The following SH3GL3 variants were observed in gnomAD, a reference collection of about 807,000 sequenced individuals.
SH3GL3 encodes SH3 domain containing GRB2 like 3, endophilin A3.
Under a neutral mutation model 47.7 loss-of-function variants are expected in SH3GL3, and 33 were observed. The ratio of observed to expected loss-of-function variants is 0.69; its 90% confidence interval spans 0.52 to 0.92. SH3GL3 has a LOEUF of 0.92. Among genes scored for constraint, SH3GL3 ranks in the 40% least tolerant of loss-of-function variants. SH3GL3 has a pLI of 0.00. For synonymous variants in SH3GL3, 155 were observed against 148.8 expected, an observed-to-expected ratio of 1.04 and a Z score of -0.30; for missense variants, 363 against 417.8, an observed-to-expected ratio of 0.87 and a Z score of 1.14.
intron 1 of SH3GL3, among the ~76,000 whole-genome samples, chr15:83,494,638 G>A (rs895145796): frequency 2.0e-5 from 3 of 151,628 alleles, no homozygotes; most frequent in African/African-American, 7.3e-5. Flanking sequence ...TGCCTCCCGG[G>A]TTCAAGCGAT....
chr15:83,567,394 C>G (rs2045600158), intron 3 of SH3GL3, among the ~76,000 whole-genome samples: 1 of 152,142 alleles, frequency 6.6e-6, no homozygotes, highest in Non-Finnish European at 1.5e-5. Flanking sequence ...CTTTGAGCTC[C>G]TTGAGGGCAA....
At chr15:83,578,492 A>G (rs1476860722) in intron 6 of SH3GL3, among the ~76,000 whole-genome samples, 1 of 152,186 alleles carries the variant, frequency 6.6e-6, no homozygotes, top group Non-Finnish European at 1.5e-5. Flanking sequence ...TGCATTGAGC[A>G]CCCTTTATTT....
chr15:83,583,859 A>AT (rs2059895185), intron 6 of SH3GL3, among the ~76,000 whole-genome samples: 2 of 152,250 alleles, frequency 1.3e-5, no homozygotes, highest in Middle Eastern at 6.8e-3. Context: ...CGATGGGCCC[A>AT]TTACCCCCTG....
intron 1 of SH3GL3, among the ~76,000 whole-genome samples, chr15:83,503,025 A>ATTGCTT (rs2042356595): frequency 6.6e-6 from 1 of 152,132 alleles, no homozygotes; most frequent in African/African-American, 2.4e-5. Flanking sequence ...ATAGAACATA[A>ATTGCTT]TTACTTTTAA....
intron 1 of SH3GL3, among the ~76,000 whole-genome samples, chr15:83,557,163 A>G (rs555542919): frequency 6.6e-6 from 1 of 152,340 alleles, no homozygotes; most frequent in South Asian, 2.1e-4. Flanking sequence ...TACCATGGCA[A>G]CAAAACGTGG....
intron 1 of SH3GL3, among the ~76,000 whole-genome samples, chr15:83,557,823 A>G (rs1166866975): frequency 6.6e-6 from 1 of 152,212 alleles, no homozygotes; most frequent in African/African-American, 2.4e-5. Flanking sequence ...GCCCAGATTC[A>G]CTAGGTGGGA....
chr15:83,573,845 A>G lies in SH3GL3; in HGVS notation c.465+1147A>G, dbSNP rs147375192. Among the ~76,000 whole-genome samples the G allele has an allele frequency of 9.5e-4, 144 of 152,360 alleles. 1 individual carries two copies. Among genetic ancestry groups the G allele is most frequent in the Admixed American group, 2.9e-3 (45 of 15,300 alleles). ...GGCACTGGCCATATGTGGCTAAACA[A>G]GACCTGGTGCATGCCCTTGTGAAGC... On this transcript the variant is annotated intron_variant, in intron 5 of 8. Transcript: ENST00000427482.
intron 1 of SH3GL3, among the ~76,000 whole-genome samples, chr15:83,530,072 G>A (rs2043599360): frequency 6.6e-6 from 1 of 152,156 alleles, no homozygotes; most frequent in African/African-American, 2.4e-5. Context: ...GTCCTCCAGT[G>A]TAGGGGGTTG....
chr15:83,510,597 G>T (rs1034351763), intron 1 of SH3GL3, among the ~76,000 whole-genome samples: 4 of 151,962 alleles, frequency 2.6e-5, no homozygotes, highest in African/African-American at 9.7e-5. Context: ...GAAGCAGCTT[G>T]CAAAAAATTA....
intron 8 of SH3GL3, among the ~76,000 whole-genome samples, chr15:83,609,820 C>G (rs2060617256): frequency 6.6e-6 from 1 of 152,016 alleles, no homozygotes; most frequent in Non-Finnish European, 1.5e-5. Flanking sequence ...AGAGATGGAG[C>G]CCTGGAGAAC....
At chr15:83,543,007 G>A (rs564043797) in intron 1 of SH3GL3, among the ~76,000 whole-genome samples, 5 of 151,358 alleles carry the variant, frequency 3.3e-5, no homozygotes, top group Admixed American at 3.3e-4. Flanking sequence ...GATTACTCCA[G>A]TACTATGTTG....
At chr15:83,588,421 T>C (rs1251091686) in intron 7 of SH3GL3, among the ~76,000 whole-genome samples, 1 of 152,208 alleles carries the variant, frequency 6.6e-6, no homozygotes, top group Non-Finnish European at 1.5e-5. Flanking sequence ...CCACCATGGC[T>C]GGCCCAATTA....
Position 83,473,793 on chromosome 15 carries a change from C to T in SH3GL3, c.45+26215C>T, listed in dbSNP as rs576007991. 4.0e-5 allele frequency among the ~76,000 whole-genome samples: 6 copies of T among 151,232 alleles called. No individual in the cohort carries two copies. In the South Asian group the frequency reaches 1.3e-3, roughly 32 times the overall value. On this transcript the variant is annotated intron_variant, in intron 1 of 8. Transcript: ENST00000427482. ...CGATCTCCTGACCTCGTGATCTGCC[C>T]GCCTGGGCCTCCCAAAGTGCTGGGA...
At position 83,611,780 on chromosome 15, in the gene SH3GL3, TGGAGA is replaced by T. The variant is rs2060673949; in HGVS notation, c.839-6299_839-6295del. Among the ~76,000 whole-genome samples the T allele has an allele frequency of 2.6e-5, 4 of 152,148 alleles. No individual in the cohort carries two copies. The South Asian group carries it at 8.3e-4, about 32-fold the overall frequency. ...TGGGAAACCAAGCATTCAGGTCCCT[TGGAGA>T]GGCTTATATCTAACAGTTGGAAAGC... On this transcript the variant is annotated intron_variant, in intron 8 of 8. Coordinates refer to ENST00000427482, the MANE Select transcript of SH3GL3 (RefSeq NM_003027.5).
At chr15:83,489,889 A>AG (rs756108694) in intron 1 of SH3GL3, among the ~76,000 whole-genome samples, 25 of 146,932 alleles carry the variant, frequency 1.7e-4, no homozygotes, top group East Asian at 5.9e-4. Flanking sequence ...ATAGATAGAT[A>AG]ATAGATAGAT....
chr15:83,555,241 G>T (rs1045771443), intron 1 of SH3GL3, among the ~76,000 whole-genome samples: 1 of 151,922 alleles, frequency 6.6e-6, no homozygotes, highest in Non-Finnish European at 1.5e-5. Flanking sequence ...CTTCCCTTTT[G>T]TATAATTGTT....
At chr15:83,510,278 G>A (rs1360172710) in intron 1 of SH3GL3, among the ~76,000 whole-genome samples, 2 of 152,130 alleles carry the variant, frequency 1.3e-5, no homozygotes, top group Non-Finnish European at 2.9e-5. Flanking sequence ...CTTTATTCAT[G>A]TATGAATAAA....
intron 1 of SH3GL3, among the ~76,000 whole-genome samples, chr15:83,500,683 C>T (rs1481440849): frequency 6.6e-6 from 1 of 152,188 alleles, no homozygotes; most frequent in East Asian, 1.9e-4. Context: ...ATTTCCCTTC[C>T]TTTCTCCCTT....
intron 1 of SH3GL3, among the ~76,000 whole-genome samples, chr15:83,477,635 C>T (rs1567252632): frequency 6.6e-6 from 1 of 152,036 alleles, no homozygotes; most frequent in Non-Finnish European, 1.5e-5. Flanking sequence ...CAGGCGTGGA[C>T]CATATATGTT....
Sources: gnomAD v4.1 joint callset for allele counts (sites outside exome capture counted in the v4.1 genomes callset) on GRCh38, gnomAD v4.1.1 for gene constraint, MANE v1.5 for transcripts, NCBI Gene and HGNC (gene_info 2026-07-23, HGNC 2026-07-21) for gene names.